RABGAP1L: variants seen among roughly 807,000 people sequenced by gnomAD.
The protein encoded by RABGAP1L is RAB GTPase activating protein 1 like.
RABGAP1L carries 63 observed loss-of-function variants against 137.7 expected under a neutral mutation model. The ratio of observed to expected loss-of-function variants is 0.46; its 90% confidence interval spans 0.37 to 0.56. The LOEUF is 0.56. RABGAP1L is among the 20% of genes least tolerant of loss of function. The pLI, the probability that RABGAP1L is intolerant of heterozygous loss-of-function variation, is 0.00. For missense variants in RABGAP1L, 1,095 were observed against 1,244.0 expected, an observed-to-expected ratio of 0.88 and a Z score of 1.80; for synonymous variants, 431 against 433.7, an observed-to-expected ratio of 0.99 and a Z score of 0.08.
intron 17 of RABGAP1L, among the ~76,000 whole-genome samples, chr1:174,743,721 A>G (rs1683642394): frequency 6.6e-6 from 1 of 152,146 alleles, no homozygotes; most frequent in Non-Finnish European, 1.5e-5. Flanking sequence ...GTCACCTATG[A>G]TAAAGACTTC....
intron 18 of RABGAP1L, among the ~76,000 whole-genome samples, chr1:174,756,465 A>G (rs973929749): frequency 2.0e-5 from 3 of 152,000 alleles, no homozygotes. Context: ...CCATATATAT[A>G]TATATTTTTT....
At chr1:174,542,968 A>G (rs565490205) in intron 13 of RABGAP1L, among the ~76,000 whole-genome samples, 1 of 152,152 alleles carries the variant, frequency 6.6e-6, no homozygotes, top group Admixed American at 6.6e-5. Flanking sequence ...ACAGTTTGTT[A>G]TAATTTCTGT....
chr1:174,640,761 T>C (rs1442745004), intron 14 of RABGAP1L, among the ~76,000 whole-genome samples: 1 of 151,838 alleles, frequency 6.6e-6, no homozygotes, highest in Admixed American at 6.6e-5. Flanking sequence ...TCTCTTGTCT[T>C]ATTGCACTGA....
chr1:174,550,983 C>CATATATATATACATATATAT (rs1422356201), intron 13 of RABGAP1L, among the ~76,000 whole-genome samples: 1,176 of 83,376 alleles, frequency 0.014, 32 homozygotes, highest in Admixed American at 0.026. Context: ...TGTATATATA[C>CATATATATATACATATATAT]ATATATATAT....
chr1:174,565,883 C>CTT (rs1557854563), intron 13 of RABGAP1L, among the ~76,000 whole-genome samples: 6 of 133,226 alleles, frequency 4.5e-5, no homozygotes, highest in Admixed American at 7.9e-5. Flanking sequence ...GAATCCTTTA[C>CTT]ATTTTTTTTT....
intron 24 of RABGAP1L, among the ~76,000 whole-genome samples, chr1:174,987,462 G>A (rs552376595): frequency 6.6e-6 from 1 of 152,274 alleles, no homozygotes; most frequent in South Asian, 2.1e-4. Context: ...ACTGCACCTG[G>A]CCCAAGAGGA....
chr1:174,839,028 CGTGTGT>C (rs71726767), intron 19 of RABGAP1L, among the ~76,000 whole-genome samples: 2,328 of 130,084 alleles, frequency 0.018, 57 homozygotes, highest in African/African-American at 0.062. Context: ...AACTTTTTTA[CGTGTGT>C]GTGTGTGTGT....
intron 19 of RABGAP1L, among the ~76,000 whole-genome samples, chr1:174,917,459 G>T (rs1260878709): frequency 6.6e-6 from 1 of 152,190 alleles, no homozygotes; most frequent in African/African-American, 2.4e-5. Context: ...TGCCTTTAGT[G>T]AGATTTCCAG....
In RABGAP1L at chr1:174,691,844, A is replaced by G. The variant is rs1678897563; in HGVS notation, c.1900-7681A>G. Reference sequence around the variant, plus strand: ...TTTAGTGCTTTTTTTTTAAGTAGGTAGGTACCACCGTACTACCTCGTGGAG... The same window carrying G: ...TTTAGTGCTTTTTTTTTAAGTAGGTGGGTACCACCGTACTACCTCGTGGAG... On this transcript the variant is annotated intron_variant, in intron 15 of 25. Transcript: ENST00000681986. Among the ~76,000 whole-genome samples, 3 of 152,132 alleles carry G rather than the reference A, an allele frequency of 2.0e-5. No homozygotes were observed. The South Asian group carries it at 6.2e-4, about 32-fold the overall frequency.
intron 13 of RABGAP1L, among the ~76,000 whole-genome samples, chr1:174,408,416 A>G (rs761093220): frequency 6.6e-6 from 1 of 152,162 alleles, no homozygotes; most frequent in Non-Finnish European, 1.5e-5. Context: ...CTGTGGCTGC[A>G]TAGTATTGTA....
intron 13 of RABGAP1L, among the ~76,000 whole-genome samples, chr1:174,427,856 T>C (rs1411053132): frequency 1.3e-5 from 2 of 152,190 alleles, no homozygotes; most frequent in Non-Finnish European, 2.9e-5. Context: ...GCACTGTACT[T>C]GCCACTGAGG....
At chr1:174,720,714 C>G (rs756535490) in intron 17 of RABGAP1L, among the ~76,000 whole-genome samples, 1 of 152,082 alleles carries the variant, frequency 6.6e-6, no homozygotes, top group Non-Finnish European at 1.5e-5. Context: ...ACCTCTATGG[C>G]AAATCCATAG....
chr1:174,246,189 T>TCCA (rs1672242342), intron 5 of RABGAP1L: 2 of 152,178 alleles, frequency 1.3e-5, no homozygotes, highest in South Asian at 4.1e-4. Context: ...GTATCTCCAT[T>TCCA]CCAGATATCT....
At chr1:174,587,890 G>C (rs187080243) in intron 13 of RABGAP1L, among the ~76,000 whole-genome samples, 116 of 152,186 alleles carry the variant, frequency 7.6e-4, no homozygotes, top group Non-Finnish European at 2.9e-5. Flanking sequence ...TTGAAACAGA[G>C]TGTCACTTTG....
chr1:174,973,931 T>C (rs544542019), intron 21 of RABGAP1L, among the ~76,000 whole-genome samples: 2 of 151,308 alleles, frequency 1.3e-5, no homozygotes, highest in African/African-American at 4.8e-5. Flanking sequence ...AGGGAGAGAG[T>C]TGGTTCAGTT....
intron 13 of RABGAP1L, among the ~76,000 whole-genome samples, chr1:174,427,824 A>G (rs988479318): frequency 1.3e-5 from 2 of 152,154 alleles, no homozygotes; most frequent in African/African-American, 4.8e-5. Context: ...AGCAAATATT[A>G]TTACCTTCTA....
chr1:174,555,031 A>G (rs1394769087), intron 13 of RABGAP1L, among the ~76,000 whole-genome samples: 1 of 152,136 alleles, frequency 6.6e-6, no homozygotes, highest in Non-Finnish European at 1.5e-5. Flanking sequence ...CTGACATTGC[A>G]GTGTGTCCTG....
intron 18 of RABGAP1L, among the ~76,000 whole-genome samples, chr1:174,765,257 T>C (rs1253843918): frequency 2.0e-5 from 3 of 152,230 alleles, no homozygotes; most frequent in African/African-American, 7.2e-5. Context: ...ATTTGCATTC[T>C]CCTGATGTGG....
chr1:174,615,832 C>G (rs1034709922), intron 13 of RABGAP1L, among the ~76,000 whole-genome samples: 1 of 152,248 alleles, frequency 6.6e-6, no homozygotes, highest in Non-Finnish European at 1.5e-5. Context: ...TGATCTCCGA[C>G]TGTTGTGCTA....
Sources: gnomAD v4.1 joint callset for allele counts (sites outside exome capture counted in the v4.1 genomes callset) on GRCh38, gnomAD v4.1.1 for gene constraint, MANE v1.5 for transcripts, NCBI Gene and HGNC (gene_info 2026-07-23, HGNC 2026-07-21) for gene names.